PRKAG2: variants seen among roughly 807,000 people sequenced by gnomAD.
The protein encoded by PRKAG2 is protein kinase AMP-activated non-catalytic subunit gamma 2, also known as 5'-AMP-activated protein kinase subunit gamma-2.
In PRKAG2, 26 loss-of-function variants were observed where a neutral mutation model predicts 69.6. That is an observed-to-expected ratio of 0.37 (90% CI 0.27 to 0.52). PRKAG2 has a LOEUF of 0.52. PRKAG2 is among the 20% of genes least tolerant of loss of function. The pLI is 0.90. For missense variants in PRKAG2, 557 were observed against 740.0 expected, an observed-to-expected ratio of 0.75 and a Z score of 2.87; for synonymous variants, 293 against 285.0, an observed-to-expected ratio of 1.03 and a Z score of -0.28.
chr7:151,632,189 C>T lies in PRKAG2; in HGVS notation c.685-51G>A. ...TCAGCATGAGCTGCGACGCTCGTCC[C>T]CGGCCGGCGGGCTCGCGGCCGGCCG... is the stretch of plus-strand genomic sequence containing the variant. On this transcript the variant is annotated intron_variant, in intron 4 of 15. Coordinates refer to ENST00000287878, the MANE Select transcript of PRKAG2 (RefSeq NM_016203.4). The surrounding 1 kb of genome is among the most constrained non-coding windows in gnomAD (Gnocchi z 4.2). 1 of 1,217,968 alleles carries T rather than the reference C, an allele frequency of 8.2e-7. No individual in the cohort carries two copies. Among genetic ancestry groups the T allele is most frequent in the East Asian group, 3.7e-5 (1 of 26,776 alleles). The allele number at this position is 1,217,968 out of a possible 1,614,324, so 75.4% of individuals were successfully genotyped here.
intron 4 of PRKAG2, among the ~76,000 whole-genome samples, chr7:151,670,433 G>C (rs570268308): frequency 1.7e-4 from 26 of 152,194 alleles, no homozygotes; most frequent in African/African-American, 4.6e-4. Context: ...ACTTCACACT[G>C]CATCTCGTCT....
chr7:151,654,223 G>A (rs549165724), intron 4 of PRKAG2, among the ~76,000 whole-genome samples: 22 of 152,222 alleles, frequency 1.4e-4, no homozygotes, highest in African/African-American at 4.3e-4. Context: ...TCAAAGAAAC[G>A]TGTCTACAGG....
At chr7:151,647,754 T>C (rs1827809162) in intron 4 of PRKAG2, among the ~76,000 whole-genome samples, 1 of 152,160 alleles carries the variant, frequency 6.6e-6, no homozygotes, top group Non-Finnish European at 1.5e-5. Context: ...AAGAAGTGAA[T>C]GTAGATAATC....
chr7:151,812,301 T>G (rs2078461225), intron 1 of PRKAG2, among the ~76,000 whole-genome samples: 3 of 151,538 alleles, frequency 2.0e-5, no homozygotes, highest in African/African-American at 7.3e-5. Context: ...GGTAAGGGGG[T>G]TTGTTAGAAG....
chr7:151,630,100 G>A (rs1023896476), intron 5 of PRKAG2, among the ~76,000 whole-genome samples: 4 of 152,116 alleles, frequency 2.6e-5, no homozygotes, highest in Admixed American at 6.6e-5. Flanking sequence ...AGGGTTATTC[G>A]TGGGATTCGG....
At chr7:151,838,322 G>C (rs533131347) in intron 1 of PRKAG2, among the ~76,000 whole-genome samples, 1 of 151,922 alleles carries the variant, frequency 6.6e-6, no homozygotes, top group Non-Finnish European at 1.5e-5. Flanking sequence ...TGCCAGGCTC[G>C]GCCCCACAGC....
intron 3 of PRKAG2, among the ~76,000 whole-genome samples, chr7:151,751,515 A>AT (rs1358112467): frequency 4.0e-5 from 6 of 150,016 alleles, no homozygotes; most frequent in African/African-American, 1.5e-4. Flanking sequence ...TTATTTATTT[A>AT]TTTATTTTTT....
At chr7:151,566,807 G>A (rs573877561) in intron 11 of PRKAG2, among the ~76,000 whole-genome samples, 22 of 152,070 alleles carry the variant, frequency 1.4e-4, no homozygotes, top group South Asian at 4.2e-4. Flanking sequence ...ATTTTCAAAC[G>A]TCTTGAAGGG....
intron 3 of PRKAG2, among the ~76,000 whole-genome samples, chr7:151,775,986 C>T (rs2076326283): frequency 6.6e-6 from 1 of 152,208 alleles, no homozygotes; most frequent in Non-Finnish European, 1.5e-5. Context: ...TCCAGGCCAG[C>T]CTCATGCCAG....
chr7:151,716,419 T>A (rs112079539), intron 3 of PRKAG2, among the ~76,000 whole-genome samples: 2,472 of 152,018 alleles, frequency 0.016, 27 homozygotes, highest in Middle Eastern at 0.054. Flanking sequence ...TGGGCAGGGG[T>A]CCGTATGTGG....
intron 9 of PRKAG2, among the ~76,000 whole-genome samples, chr7:151,572,033 T>C (rs1403390256): frequency 2.0e-5 from 3 of 152,320 alleles, no homozygotes; most frequent in Non-Finnish European, 2.9e-5. Flanking sequence ...CAACCCACCA[T>C]GACAAGTGTC....
chr7:151,603,661 G>A (rs1816785571), intron 5 of PRKAG2, among the ~76,000 whole-genome samples: 1 of 151,916 alleles, frequency 6.6e-6, no homozygotes, highest in Non-Finnish European at 1.5e-5. Flanking sequence ...CATACTGAGG[G>A]TACACATGCC....
At chr7:151,617,794 C>A (rs1055221092) in intron 5 of PRKAG2, among the ~76,000 whole-genome samples, 27 of 152,250 alleles carry the variant, frequency 1.8e-4, no homozygotes, top group Non-Finnish European at 3.1e-4. Context: ...CCGAAAAAAA[C>A]CCTGACTCCT....
chr7:151,773,952 C>G (rs924287586), intron 3 of PRKAG2, among the ~76,000 whole-genome samples: 6 of 152,280 alleles, frequency 3.9e-5, no homozygotes, highest in African/African-American at 1.4e-4. Context: ...AGGAGAGGAA[C>G]ACACAGATGG....
In PRKAG2 at chr7:151,614,185, C is replaced by T. The variant is rs1028409297; in HGVS notation, c.754+17884G>A. 6.6e-6 allele frequency among the ~76,000 whole-genome samples: 1 copy of T among 152,088 alleles called. No homozygotes were observed. The highest frequency in any genetic ancestry group is 1.9e-4 in the East Asian group (1 of 5,180). On this transcript the variant is annotated intron_variant, in intron 5 of 15. Coordinates refer to ENST00000287878, the MANE Select transcript of PRKAG2 (RefSeq NM_016203.4). This position sits in a 1 kb window ranked among gnomAD's most constrained non-coding sequence, Gnocchi z 4.4. Reference sequence around the variant, plus strand: ...CAACACGGCCTGTCAGGGGAGGTGACGCTGTCTCCAGCTGTGTCTTGAAGG... The same window carrying T: ...CAACACGGCCTGTCAGGGGAGGTGATGCTGTCTCCAGCTGTGTCTTGAAGG...
rs569427649 is a variant in PRKAG2, at chr7:151,637,233, TA to T, written c.685-5096del. Among the ~76,000 whole-genome samples, 677 of 152,294 alleles carry T rather than the reference TA, an allele frequency of 4.4e-3. 3 individuals carry two copies. Among genetic ancestry groups the T allele is most frequent in the African/African-American group, 0.016 (648 of 41,558 alleles). On this transcript the variant is annotated intron_variant, in intron 4 of 15. Transcript: ENST00000287878. The stretch of plus-strand genomic sequence containing the variant: ...ATCTCAAAATAAAAAGTTTAATTTT[TA>T]AAAAAAGTTTTTTAAAAAAACTTGG...
chr7:151,604,966 T>A (rs2058497), intron 5 of PRKAG2, among the ~76,000 whole-genome samples: 6,834 of 152,234 alleles, frequency 0.045, 497 homozygotes, highest in African/African-American at 0.16. Flanking sequence ...TCTACGACAT[T>A]TTTTAAAAAT....
intron 4 of PRKAG2, among the ~76,000 whole-genome samples, chr7:151,639,159 C>T (rs1019452586): frequency 4.6e-5 from 7 of 152,210 alleles, no homozygotes; most frequent in African/African-American, 9.6e-5. Flanking sequence ...TCTACACCAA[C>T]GCAGATGCAC....
At chr7:151,634,939 G>GCT (rs1825465037) in intron 4 of PRKAG2, among the ~76,000 whole-genome samples, 1 of 123,608 alleles carries the variant, frequency 8.1e-6, no homozygotes, top group African/African-American at 3.1e-5. Flanking sequence ...TGGAACCACT[G>GCT]TTTTTTTTTT....
Sources: allele counts gnomAD v4.1 joint callset (sites outside exome capture counted in the v4.1 genomes callset), GRCh38; gene constraint gnomAD v4.1.1; non-coding constraint Gnocchi (gnomAD v3.1); transcripts MANE v1.5; gene names NCBI Gene and HGNC (gene_info 2026-07-23, HGNC 2026-07-21).